Variants in GRM5 observed in about 807,000 individuals in gnomAD.
GRM5 encodes the protein glutamate metabotropic receptor 5.
In GRM5, 19 loss-of-function variants were observed where a neutral mutation model predicts 83.1. That is an observed-to-expected ratio of 0.23 (90% CI 0.16 to 0.34). GRM5 has a LOEUF of 0.34. Among genes scored for constraint, GRM5 ranks in the 10% least tolerant of loss-of-function variants. GRM5 has a pLI of 1.00. For missense variants in GRM5, 1,160 were observed against 1,588.3 expected, an observed-to-expected ratio of 0.73 and a Z score of 4.58; for synonymous variants, 675 against 633.6, an observed-to-expected ratio of 1.07 and a Z score of -0.98.
At chr11:88,521,192 T>C (rs1433528100) in intron 9 of GRM5, among the ~76,000 whole-genome samples, 1 of 151,884 alleles carries the variant, frequency 6.6e-6, no homozygotes, top group East Asian at 1.9e-4. Flanking sequence ...CCTAGGTGGG[T>C]GGATCACAAG....
At chr11:88,893,707 A>G (rs1377628758) in intron 2 of GRM5, among the ~76,000 whole-genome samples, 1 of 152,022 alleles carries the variant, frequency 6.6e-6, no homozygotes, top group Non-Finnish European at 1.5e-5. Context: ...TTTAGACTGA[A>G]CAACACATGG....
chr11:89,033,556 A>C (rs1484279224), intron 2 of GRM5, among the ~76,000 whole-genome samples: 2 of 151,948 alleles, frequency 1.3e-5, no homozygotes, highest in Non-Finnish European at 2.9e-5. Context: ...TTTCTAAAGG[A>C]CATTTTTTTA....
chr11:88,620,917 G>C (rs1938616153), intron 4 of GRM5, among the ~76,000 whole-genome samples: 1 of 152,112 alleles, frequency 6.6e-6, no homozygotes, highest in Non-Finnish European at 1.5e-5. Context: ...AGAAAGAAGA[G>C]GCTTCTTCAG....
At chr11:88,785,454 A>G (rs1591514918) in intron 3 of GRM5, among the ~76,000 whole-genome samples, 2 of 152,246 alleles carry the variant, frequency 1.3e-5, no homozygotes, top group East Asian at 3.9e-4. Context: ...AGTTGTTCAA[A>G]GAATAAATTG....
Position 88,509,373 on chromosome 11 carries a change from G to C in GRM5, c.2858C>G (p.Pro953Arg). The change falls in exon 10 of 10, where the codon CCC (proline) becomes CGC (arginine). Residue 953 changes from proline to arginine, a missense_variant. Pro to Arg is a moderately radical substitution (Grantham distance 103, BLOSUM62 -2). This residue lies in a region of GRM5 where 562 missense variants were observed against 532.4 expected (regional missense o/e 1.06). Transcript: ENST00000305447. The stretch of plus-strand genomic sequence containing the variant: ...CAGGCCACGGCTCTCCGTGCTCTTG[G>C]GGAAGGGCTTGATGACGGCCGTTTG... The part of the protein sequence containing the change: ...PNQTAVIKPF[P>R]KSTESRGLGA... The C allele has an allele frequency of 1.2e-6, 2 of 1,612,278 alleles. No individual in the cohort carries two copies. The highest frequency in any genetic ancestry group is 1.7e-6 in the Non-Finnish European group (2 of 1,179,814).
intron 2 of GRM5, among the ~76,000 whole-genome samples, chr11:89,019,673 A>C (rs1482443952): frequency 6.6e-6 from 1 of 152,162 alleles, no homozygotes; most frequent in Admixed American, 6.5e-5. Flanking sequence ...CTGCCACTGC[A>C]TTCCAGCCTG....
chr11:89,040,718 G>C (rs1254960038), intron 2 of GRM5, among the ~76,000 whole-genome samples: 2 of 151,596 alleles, frequency 1.3e-5, no homozygotes, highest in African/African-American at 4.8e-5. Flanking sequence ...AAAAAAGAGA[G>C]AGAGAAAGGG....
Position 88,568,211 on chromosome 11 carries a change from T to C in GRM5, c.1691-219A>G, listed in dbSNP as rs1942912342. On this transcript the variant is annotated intron_variant, in intron 7 of 9. Transcript: ENST00000305447. Reference sequence around the variant, plus strand: ...ACATGGTCTGTGATAGGAACTATTCTAGGTTCTGAAACAAAATAATGCAGA... The same window carrying C: ...ACATGGTCTGTGATAGGAACTATTCCAGGTTCTGAAACAAAATAATGCAGA... Among the ~76,000 whole-genome samples the C allele has an allele frequency of 2.0e-5, 3 of 152,206 alleles. No individual in the cohort carries two copies. In the South Asian group the frequency reaches 6.2e-4, roughly 32 times the overall value.
At chr11:88,592,900 A>C (rs577550163) in intron 6 of GRM5, among the ~76,000 whole-genome samples, 1 of 152,018 alleles carries the variant, frequency 6.6e-6, no homozygotes, top group South Asian at 2.1e-4. Context: ...GGCAGCCTTG[A>C]CCTCCCCAGC....
chr11:88,853,350 AGGTAGATGCAGGG>A (rs1944419805), intron 2 of GRM5, among the ~76,000 whole-genome samples: 1 of 152,068 alleles, frequency 6.6e-6, no homozygotes, highest in Non-Finnish European at 1.5e-5. Flanking sequence ...GAAGTCTGAG[AGGTAGATGCAGGG>A]AAAGTTGTTG....
intron 8 of GRM5, among the ~76,000 whole-genome samples, chr11:88,543,160 C>T (rs1942309374): frequency 1.3e-5 from 2 of 152,122 alleles, no homozygotes; most frequent in African/African-American, 4.8e-5. Flanking sequence ...TTGAACTTAC[C>T]CTGGCCTGAG....
In GRM5 at chr11:88,687,052, A is replaced by T. The variant is rs957824226; in HGVS notation, c.912-33649T>A. On this transcript the variant is annotated intron_variant, in intron 3 of 9. Transcript: ENST00000305447. ...ACTCCCAGCATTTCATCTGGCCTATATTTATTCATTTGGCTATTTCCTCCC... is the reference window on the plus strand; with the variant it reads ...ACTCCCAGCATTTCATCTGGCCTATTTTTATTCATTTGGCTATTTCCTCCC... Among the ~76,000 whole-genome samples the T allele has an allele frequency of 3.9e-5, 6 of 152,056 alleles. 1 individual carries two copies. Among genetic ancestry groups the T allele is most frequent in the African/African-American group, 1.4e-4 (6 of 41,486 alleles).
intron 7 of GRM5, among the ~76,000 whole-genome samples, chr11:88,583,334 C>T (rs1943252289): frequency 6.6e-6 from 1 of 152,160 alleles, no homozygotes. Context: ...AATGTTCCAA[C>T]CTCCAAAGCA....
chr11:88,636,259 C>G (rs1033946336), intron 4 of GRM5, among the ~76,000 whole-genome samples: 11 of 152,208 alleles, frequency 7.2e-5, no homozygotes, highest in African/African-American at 2.4e-4. Flanking sequence ...CGCTTGTAAT[C>G]CCAGCACTTT....
At chr11:88,810,112 T>C (rs781360354) in intron 3 of GRM5, among the ~76,000 whole-genome samples, 18 of 152,048 alleles carry the variant, frequency 1.2e-4, no homozygotes, top group Non-Finnish European at 2.9e-5. Context: ...ATGACTTTCA[T>C]TATTGGAGAT....
chr11:88,627,018 T>A (rs1938816913), intron 4 of GRM5, among the ~76,000 whole-genome samples: 1 of 152,256 alleles, frequency 6.6e-6, no homozygotes, highest in Admixed American at 6.5e-5. Flanking sequence ...TATTTTCTTA[T>A]GGCAGCCCAA....
At chr11:88,966,777 G>A (rs1300870690) in intron 2 of GRM5, among the ~76,000 whole-genome samples, 3 of 152,084 alleles carry the variant, frequency 2.0e-5, no homozygotes, top group Non-Finnish European at 4.4e-5. Context: ...AGATGAATAC[G>A]TTCTCTATGT....
intron 2 of GRM5, among the ~76,000 whole-genome samples, chr11:88,862,138 C>G (rs185396442): frequency 1.4e-4 from 22 of 152,176 alleles, no homozygotes; most frequent in Admixed American, 1.2e-3. Flanking sequence ...AAGGACAGCA[C>G]AGCTTAGTCA....
At chr11:88,782,703 G>T (rs1017607421) in intron 3 of GRM5, among the ~76,000 whole-genome samples, 4 of 152,170 alleles carry the variant, frequency 2.6e-5, no homozygotes, top group East Asian at 1.9e-4. Context: ...GAAAGCTTTA[G>T]GTTTCACCAT....
Sources: allele counts gnomAD v4.1 joint callset (sites outside exome capture counted in the v4.1 genomes callset), GRCh38; gene constraint gnomAD v4.1.1; regional missense constraint gnomAD v4.1.1; transcripts MANE v1.5; gene names NCBI Gene and HGNC (gene_info 2026-07-23, HGNC 2026-07-21).